The following GIT1 variants were observed in gnomAD, a reference collection of about 807,000 sequenced individuals.
GIT1 encodes GIT ArfGAP 1.
In GIT1, 14 loss-of-function variants were observed where a neutral mutation model predicts 91.7. The observed-to-expected ratio is 0.15, with a 90% CI of 0.10 to 0.24. The LOEUF (loss-of-function observed/expected upper bound fraction) is 0.24, where lower values mean the gene tolerates loss of function less well. Among genes scored for constraint, GIT1 ranks in the 10% least tolerant of loss-of-function variants. GIT1 has a pLI of 1.00. For missense variants in GIT1, 717 were observed against 1,024.9 expected (o/e 0.70, Z 4.10); for synonymous variants, 414 against 418.2 (o/e 0.99, Z 0.12).
Position 29,581,798 on chromosome 17 carries a change from T to G in GIT1, c.662A>C (p.Glu221Ala). The change falls in exon 6 of 20, where the codon GAG (glutamate) becomes GCG (alanine). Residue 221 changes from glutamate to alanine, a missense_variant. This residue lies in a region of GIT1 where 271 missense variants were observed against 451.6 expected (regional missense o/e 0.60). Transcript: ENST00000225394. This position sits in a 1 kb window ranked among gnomAD's most constrained non-coding sequence, Gnocchi z 4.8. ...GHHELAERLV[E>A]CQYELTDRLA... The stretch of plus-strand genomic sequence containing the variant: ...CCGGTCAGTGAGCTCATATTGGCAC[T>G]CAACCAGCCTTTCCGCCAGCTCATG... 5 of 1,612,596 alleles carry G rather than the reference T, an allele frequency of 3.1e-6. No individual in the cohort carries two copies. The highest frequency in any genetic ancestry group is 4.2e-6 in the Non-Finnish European group (5 of 1,179,980).
chr17:29,587,466 G>A (rs943188127), intron 1 of GIT1, among the ~76,000 whole-genome samples: 15 of 152,178 alleles, frequency 9.9e-5, no homozygotes, highest in Admixed American at 8.5e-4. Context: ...GGCATCTGGG[G>A]CACAAATTCC....
chr17:29,583,449 G>A (rs1489479580), intron 2 of GIT1, 34 bp downstream of exon 2: 1 of 1,604,970 alleles, frequency 6.2e-7, no homozygotes, highest in Non-Finnish European at 8.5e-7. Context: ...CTCTGCCTGA[G>A]GGGAAGGAAG....
At chr17:29,577,547 AT>A (rs1398513513) in intron 10 of GIT1, 97 bp downstream of exon 10, 1 of 837,746 alleles carries the variant, frequency 1.2e-6, no homozygotes, top group African/African-American at 1.6e-5. Context: ...GCCCTGGCAA[AT>A]GCTGGAGAGC....
At chr17:29,576,500 C>T in intron 13 of GIT1, 22 bp downstream of exon 13, 1 of 1,613,428 alleles carries the variant, frequency 6.2e-7, no homozygotes, top group South Asian at 1.1e-5. Flanking sequence ...GGCTCCCCCT[C>T]CCACCGAGGC....
chr17:29,576,074 T>G lies in GIT1; in HGVS notation c.1665+4A>C, dbSNP rs1378291347. 6.2e-7 allele frequency: 1 copy of G among 1,613,484 alleles called. No homozygotes were observed. ...TAAGATGGACACGCCTTCCCCAGGCTTACCCGGTAAAGGCCAGCAGGGACG... is the reference window on the plus strand; with the variant it reads ...TAAGATGGACACGCCTTCCCCAGGCGTACCCGGTAAAGGCCAGCAGGGACG... On this transcript the variant is annotated splice_donor_region_variant and intron_variant, in intron 15 of 19. Transcript: ENST00000225394.
At chr17:29,585,149 A>AG (rs2033551102) in intron 1 of GIT1, among the ~76,000 whole-genome samples, 1 of 151,758 alleles carries the variant, frequency 6.6e-6, no homozygotes, top group African/African-American at 2.4e-5. Context: ...CTTCGCCAAG[A>AG]GGGGGAGCCC....
At chr17:29,588,955 G>A (rs2033700893) in intron 1 of GIT1, among the ~76,000 whole-genome samples, 1 of 152,156 alleles carries the variant, frequency 6.6e-6, no homozygotes, top group Non-Finnish European at 1.5e-5. Context: ...AACCACACTC[G>A]CCCCCACCTC....
chr17:29,583,164 G>A (rs776629225), intron 2 of GIT1, 127 bp from the exon 3 acceptor site: 17 of 675,944 alleles, frequency 2.5e-5, no homozygotes, highest in Admixed American at 1.5e-4. Flanking sequence ...CTGTGTGCCC[G>A]CACCACCACA....
At position 29,574,217 on chromosome 17, in the gene GIT1, A is replaced by T. The variant is rs1004725302; in HGVS notation, c.*485T>A. On this transcript the variant is annotated 3_prime_UTR_variant, in exon 20 of 20. Coordinates refer to ENST00000225394, the MANE Select transcript of GIT1 (RefSeq NM_014030.4). ...GTGCCCTAGGCAGGGGCCATATGGC[A>T]TTAAAGGGAGAGCAGCAAGGGGCTG... 2.5e-5 allele frequency: 4 copies of T among 159,648 alleles called. No individual in the cohort carries two copies. Among genetic ancestry groups the T allele is most frequent in the African/African-American group, 7.2e-5 (3 of 41,436 alleles). 9.9% of individuals were successfully genotyped at this position (159,648 alleles called of 1,614,324 possible).
intron 9 of GIT1, 40 bp from the exon 10 acceptor site, chr17:29,577,782 AGGCCCCCAAGGTGGGGGT>A (rs1168085780): frequency 7.9e-7 from 1 of 1,261,026 alleles, no homozygotes; most frequent in Non-Finnish European, 1.2e-6. Context: ...CACGGTGGCC[AGGCCCCCAAGGTGGGGGT>A]GGGGAAGCAC....
intron 1 of GIT1, among the ~76,000 whole-genome samples, chr17:29,588,538 C>A (rs2033677859): frequency 6.6e-6 from 1 of 152,198 alleles, no homozygotes; most frequent in Non-Finnish European, 1.5e-5. Context: ...CACGGCCTCC[C>A]ACCCATTTCT....
chr17:29,583,419 A>G, intron 2 of GIT1, 64 bp downstream of exon 2: 2 of 1,547,904 alleles, frequency 1.3e-6, no homozygotes, highest in Non-Finnish European at 8.8e-7. Flanking sequence ...TGAGGGGGAA[A>G]CGCCCTCATG....
chr17:29,578,535 T>G (rs916067526), intron 8 of GIT1, among the ~76,000 whole-genome samples, 164 bp from the exon 9 acceptor site: 2 of 152,008 alleles, frequency 1.3e-5, no homozygotes, highest in African/African-American at 4.8e-5. Flanking sequence ...TGTTCCAAAC[T>G]CCAAGGTGGG....
chr17:29,583,395 G>A (rs2033469861), intron 2 of GIT1, 88 bp downstream of exon 2: 1 of 1,402,248 alleles, frequency 7.1e-7, no homozygotes, highest in African/African-American at 1.4e-5. Context: ...ATTCCAGATG[G>A]GGGTGTATGT....
intron 1 of GIT1, among the ~76,000 whole-genome samples, chr17:29,587,991 T>C (rs2150856299): frequency 6.6e-6 from 1 of 152,210 alleles, no homozygotes; most frequent in African/African-American, 2.4e-5. Context: ...CCCAGGGCCC[T>C]CTAAACCATG....
At chr17:29,577,403 C>T (rs897754662) in intron 10 of GIT1, among the ~76,000 whole-genome samples, 156 bp from the exon 11 acceptor site, 7 of 152,186 alleles carry the variant, frequency 4.6e-5, no homozygotes, top group African/African-American at 1.7e-4. Context: ...CAGCCAAGGC[C>T]ACCCGTGGCA....
At chr17:29,582,213 C>T in intron 4 of GIT1, 69 bp from the exon 5 acceptor site, 1 of 1,172,984 alleles carries the variant, frequency 8.5e-7, no homozygotes, top group Non-Finnish European at 1.2e-6. Context: ...ACAAGCTGCA[C>T]CCTGGCTGCC....
chr17:29,587,191 T>C (rs940135014), intron 1 of GIT1, among the ~76,000 whole-genome samples: 1 of 152,072 alleles, frequency 6.6e-6, no homozygotes, highest in Non-Finnish European at 1.5e-5. Context: ...CCCTCATGCC[T>C]CTCTGCCTGA....
In GIT1 at chr17:29,581,461, C is replaced by G. The variant is rs2033392672; in HGVS notation, c.719-81G>C. 1 of 1,097,802 alleles carries G rather than the reference C, an allele frequency of 9.1e-7. No homozygotes were observed. Among genetic ancestry groups the G allele is most frequent in the African/African-American group, 1.5e-5 (1 of 65,234 alleles). 68.0% of individuals were successfully genotyped at this position (1,097,802 alleles called of 1,614,324 possible). A position where few individuals can be genotyped will look rare whatever the true frequency, so the allele number is the denominator to read the frequency against. The stretch of plus-strand genomic sequence containing the variant: ...TGGGAGCCCACCTCACTGCCATGAG[C>G]AGGGCTGGCACCCAGAAGTGTCAGG... On this transcript the variant is annotated intron_variant, in intron 6 of 19. Transcript: ENST00000225394. This position sits in a 1 kb window ranked among gnomAD's most constrained non-coding sequence, Gnocchi z 4.8.
Sources: gnomAD v4.1 joint callset for allele counts (sites outside exome capture counted in the v4.1 genomes callset) on GRCh38, gnomAD v4.1.1 for gene constraint, gnomAD v4.1.1 regional missense constraint, Gnocchi (gnomAD v3.1) non-coding constraint, MANE v1.5 for transcripts, NCBI Gene and HGNC (gene_info 2026-07-23, HGNC 2026-07-21) for gene names.